The following OTUD7B variants were observed in gnomAD, a reference collection of about 807,000 sequenced individuals.
The protein encoded by OTUD7B is OTU deubiquitinase 7B.
OTUD7B carries 34 observed loss-of-function variants against 82.2 expected under a neutral mutation model. The observed-to-expected ratio is 0.41, with a 90% confidence interval of 0.31 to 0.55. The LOEUF is 0.55. Among genes scored for constraint, OTUD7B ranks in the 20% least tolerant of loss-of-function variants. OTUD7B has a pLI of 0.20. For missense variants in OTUD7B, 944 were observed against 1,062.1 expected (o/e 0.89, Z 1.55); for synonymous variants, 398 against 402.7 (o/e 0.99, Z 0.14).
intron 9 of OTUD7B, 88 bp from the exon 10 acceptor site, chr1:149,949,171 G>C: frequency 2.6e-6 from 2 of 783,352 alleles, no homozygotes; most frequent in Admixed American, 4.7e-5. Flanking sequence ...ATCATACTAA[G>C]GTCTTTAATT....
chr1:150,060,363 T>C, the OTUD7B span, among the ~76,000 whole-genome samples: 5 of 151,454 alleles, frequency 3.3e-5, no homozygotes, highest in Non-Finnish European at 5.9e-5. Flanking sequence ...TTGGTGTCCT[T>C]ATGAGAAGAG....
At chr1:149,958,206 A>C (rs962596507) in intron 7 of OTUD7B, among the ~76,000 whole-genome samples, 1 of 149,842 alleles carries the variant, frequency 6.7e-6, no homozygotes, top group Non-Finnish European at 1.5e-5. Flanking sequence ...CTATTTACCT[A>C]CCTCCCCCAT....
intron 3 of OTUD7B, 64 bp from the exon 4 acceptor site, chr1:149,967,585 G>A (rs889746165): frequency 2.4e-6 from 3 of 1,227,936 alleles, no homozygotes; most frequent in Admixed American, 4.8e-5. Flanking sequence ...CTACACTGAT[G>A]TGGTGATAGT....
chr1:150,058,366 G>C, the OTUD7B span, among the ~76,000 whole-genome samples: 1 of 152,024 alleles, frequency 6.6e-6, no homozygotes, highest in Non-Finnish European at 1.5e-5. Context: ...ATAAATTAAT[G>C]GGCATGGTAG....
At chr1:150,014,001 CAT>C (rs1156272995), upstream of OTUD7B, among the ~76,000 whole-genome samples, 16 of 132,416 alleles carry the variant, frequency 1.2e-4, no homozygotes, top group African/African-American at 4.1e-4. Context: ...TATATACACA[CAT>C]ATATATACAC....
intron 7 of OTUD7B, among the ~76,000 whole-genome samples, chr1:149,958,474 C>G (rs1648884781): frequency 6.6e-6 from 1 of 151,566 alleles, no homozygotes; most frequent in South Asian, 2.1e-4. Flanking sequence ...ATTACAGCCG[C>G]CTAGCACCAC....
intron 4 of OTUD7B, 68 bp from the exon 5 acceptor site, chr1:149,965,946 AAC>A: frequency 1.5e-6 from 2 of 1,325,808 alleles, no homozygotes; most frequent in African/African-American, 1.4e-5. Flanking sequence ...CTATTTCTGA[AAC>A]AGACTCCAAA....
chr1:149,962,670 G>A (rs1452498688), intron 6 of OTUD7B: 1 of 152,078 alleles, frequency 6.6e-6, no homozygotes, highest in Non-Finnish European at 1.5e-5. Context: ...ATAACTAATT[G>A]CTTTAATAAC....
intron 1 of OTUD7B, among the ~76,000 whole-genome samples, chr1:149,998,266 A>G (rs1264739210): frequency 6.6e-6 from 1 of 152,050 alleles, no homozygotes; most frequent in Non-Finnish European, 1.5e-5. Flanking sequence ...CCTTTCCTCT[A>G]TTTTATACCA....
At chr1:150,025,603 G>A in the OTUD7B span, among the ~76,000 whole-genome samples, 4 of 152,142 alleles carry the variant, frequency 2.6e-5, no homozygotes, top group South Asian at 4.1e-4. Flanking sequence ...CACACCAGAG[G>A]GGAATATCAA....
the OTUD7B span, chr1:150,054,572 C>A: frequency 2.4e-3 from 1,013 of 414,286 alleles, 4 homozygotes; most frequent in African/African-American, 0.019. Context: ...CTTTGGGAGG[C>A]CAAAGCAGGC....
At chr1:150,025,145 G>T in the OTUD7B span, among the ~76,000 whole-genome samples, 2 of 152,012 alleles carry the variant, frequency 1.3e-5, no homozygotes, top group African/African-American at 4.8e-5. Flanking sequence ...TCAGGGGCTG[G>T]GCGCGGTGCC....
intron 2 of OTUD7B, among the ~76,000 whole-genome samples, chr1:149,974,547 TTA>T (rs1650163152): frequency 1.0e-3 from 1 of 970 alleles, no homozygotes; most frequent in African/African-American, 4.2e-3. Flanking sequence ...TTTTTCTTAG[TTA>T]ACTTTTTTTT....
chr1:150,028,095 A>C, the OTUD7B span, among the ~76,000 whole-genome samples: 3 of 152,244 alleles, frequency 2.0e-5, no homozygotes, highest in Admixed American at 6.5e-5. Flanking sequence ...TCACTAGATC[A>C]TCTGTACATA....
At chr1:150,053,945 A>G in the OTUD7B span, 1 of 431,330 alleles carries the variant, frequency 2.3e-6, no homozygotes, top group Non-Finnish European at 3.8e-6. Flanking sequence ...TGGCAAGGTG[A>G]AAAAGGGTAA....
At chr1:150,034,442 A>G in the OTUD7B span, among the ~76,000 whole-genome samples, 2 of 152,238 alleles carry the variant, frequency 1.3e-5, no homozygotes, top group South Asian at 4.1e-4. Context: ...ACAGCCCTAT[A>G]GATATCACAC....
At chr1:150,026,284 A>C in the OTUD7B span, among the ~76,000 whole-genome samples, 1 of 152,234 alleles carries the variant, frequency 6.6e-6, no homozygotes, top group Non-Finnish European at 1.5e-5. Context: ...TGCCAGGTTA[A>C]AATTAAAAAT....
At chr1:149,963,888 A>G (rs1357515007) in intron 6 of OTUD7B, 4 of 212,024 alleles carry the variant, frequency 1.9e-5, no homozygotes, top group Non-Finnish European at 3.8e-5. Context: ...TAGCCTTATT[A>G]CAAGCAAAAA....
chr1:149,999,922 GA>G (rs1262638334), intron 1 of OTUD7B, among the ~76,000 whole-genome samples: 3 of 152,222 alleles, frequency 2.0e-5, no homozygotes, highest in Non-Finnish European at 4.4e-5. Flanking sequence ...ACTTTTCAAA[GA>G]ACTATTTTAG....
Sources: allele counts gnomAD v4.1 joint callset (sites outside exome capture counted in the v4.1 genomes callset), GRCh38; gene constraint gnomAD v4.1.1; transcripts MANE v1.5; gene names NCBI Gene and HGNC (gene_info 2026-07-23, HGNC 2026-07-21).